DZANK1: variants seen among roughly 807,000 people sequenced by gnomAD.
DZANK1 encodes double zinc ribbon and ankyrin repeat domains 1.
DZANK1 carries 91 observed loss-of-function variants against 94.5 expected under a neutral mutation model. The ratio of observed to expected loss-of-function variants is 0.96; its 90% CI spans 0.81 to 1.15. DZANK1 has a LOEUF of 1.15. Among genes scored for constraint, DZANK1 ranks in the 50% most tolerant of loss-of-function variants. DZANK1 has a pLI of 0.00. For synonymous variants in DZANK1, 312 were observed against 325.3 expected (o/e 0.96, Z 0.44); for missense variants, 903 against 916.4 (o/e 0.99, Z 0.19).
intron 9 of DZANK1, among the ~76,000 whole-genome samples, chr20:18,430,218 A>G (rs189026388): frequency 2.0e-5 from 3 of 152,328 alleles, no homozygotes; most frequent in Admixed American, 6.5e-5. Context: ...TGACTAAGAT[A>G]AAGTTCTGCT....
At chr20:18,399,350 C>T (rs1466211746) in intron 13 of DZANK1, among the ~76,000 whole-genome samples, 2 of 152,016 alleles carry the variant, frequency 1.3e-5, no homozygotes, top group African/African-American at 4.8e-5. Flanking sequence ...CCACCTCAGC[C>T]ACCCACGTAG....
intron 7 of DZANK1, among the ~76,000 whole-genome samples, chr20:18,447,446 G>A (rs976986974): frequency 4.6e-5 from 7 of 152,016 alleles, no homozygotes; most frequent in African/African-American, 1.7e-4. Flanking sequence ...CTCAGCTGGA[G>A]ATCCCAAGTA....
chr20:18,419,587 T>A (rs1568940337), intron 10 of DZANK1, among the ~76,000 whole-genome samples: 1 of 152,162 alleles, frequency 6.6e-6, no homozygotes, highest in Non-Finnish European at 1.5e-5. Flanking sequence ...TGATTTACAT[T>A]TGACTTTTGA....
At chr20:18,436,958 G>A (rs2058547958) in intron 8 of DZANK1, among the ~76,000 whole-genome samples, 2 of 152,116 alleles carry the variant, frequency 1.3e-5, no homozygotes, top group Non-Finnish European at 2.9e-5. Context: ...AAAAATGAAG[G>A]CAAAATAAAC....
chr20:18,394,505 C>T, intron 15 of DZANK1, 155 bp from the exon 16 acceptor site: 1 of 755,020 alleles, frequency 1.3e-6, no homozygotes, highest in Non-Finnish European at 2.3e-6. Context: ...CCTGACTCCT[C>T]CTCACCTCCC....
At chr20:18,449,719 C>T (rs1330126732) in intron 6 of DZANK1, among the ~76,000 whole-genome samples, 74 of 143,180 alleles carry the variant, frequency 5.2e-4, no homozygotes, top group African/African-American at 1.8e-3. Flanking sequence ...GATTGCACCA[C>T]TGCACTCCAG....
chr20:18,462,147 A>T (rs551997718), intron 2 of DZANK1, among the ~76,000 whole-genome samples: 15 of 152,186 alleles, frequency 9.9e-5, no homozygotes, highest in African/African-American at 2.4e-4. Flanking sequence ...TTTGCTGAAT[A>T]CCTATTATGT....
chr20:18,397,002 G>A (rs2056380566), intron 14 of DZANK1, among the ~76,000 whole-genome samples: 1 of 152,088 alleles, frequency 6.6e-6, no homozygotes, highest in South Asian at 2.1e-4. Context: ...TTAAGCCAAG[G>A]GACAAGAAAT....
rs2057679707 is a variant in DZANK1 at position 18,419,672 on chromosome 20, T to C, written c.955-4223A>G. Reference sequence around the variant, plus strand: ...AAGAAAATAACTGTCAGCCCAGAATTACATATTCATCAAAAATACTCTTTG... The same window carrying C: ...AAGAAAATAACTGTCAGCCCAGAATCACATATTCATCAAAAATACTCTTTG... On this transcript the variant is annotated intron_variant, in intron 10 of 20. Coordinates refer to ENST00000262547, the Ensembl canonical transcript of DZANK1. Among the ~76,000 whole-genome samples the C allele has an allele frequency of 2.0e-5, 3 of 152,100 alleles. No individual in the cohort carries two copies. In the South Asian group the frequency reaches 6.2e-4, roughly 32 times the overall value.
chr20:18,425,045 G>T (rs2057976923), intron 10 of DZANK1, among the ~76,000 whole-genome samples: 1 of 152,142 alleles, frequency 6.6e-6, no homozygotes, highest in East Asian at 1.9e-4. Context: ...CTAGAAAGAA[G>T]AATGAGAAAA....
chr20:18,444,946 G>A (rs2424194), intron 7 of DZANK1, among the ~76,000 whole-genome samples: 25,909 of 151,636 alleles, frequency 0.17, 2,748 homozygotes, highest in African/African-American at 0.28. Flanking sequence ...GACTACAGGT[G>A]CCTGCCACCA....
intron 13 of DZANK1, among the ~76,000 whole-genome samples, chr20:18,412,318 A>C (rs1001935387): frequency 6.6e-6 from 1 of 152,198 alleles, no homozygotes; most frequent in Non-Finnish European, 1.5e-5. Context: ...TAAATTTTAC[A>C]ATTAAAAAAA....
chr20:18,458,295 G>C (rs2059356440), intron 3 of DZANK1, among the ~76,000 whole-genome samples: 1 of 151,966 alleles, frequency 6.6e-6, no homozygotes, highest in African/African-American at 2.4e-5. Context: ...CTTTAAATCT[G>C]GTTTTGTTGT....
chr20:18,399,125 C>CA (rs11387673), intron 13 of DZANK1, among the ~76,000 whole-genome samples: 59,625 of 127,270 alleles, frequency 0.47, 13,745 homozygotes, highest in East Asian at 0.68. Context: ...GACTACATCT[C>CA]AAAAAAAAAA....
chr20:18,455,212 T>G (rs759336135), intron 4 of DZANK1, 35 bp downstream of exon 4: 22 of 1,517,326 alleles, frequency 1.4e-5, no homozygotes, highest in Non-Finnish European at 2.0e-5. Flanking sequence ...CAAAATACAG[T>G]GACAATCTGA....
At chr20:18,385,160 T>G in intron 19 of DZANK1, 70 bp from the exon 20 acceptor site, 1 of 1,465,952 alleles carries the variant, frequency 6.8e-7, no homozygotes, top group Non-Finnish European at 9.3e-7. Context: ...AGGATGCATG[T>G]GACCCAAGGT....
chr20:18,417,066 C>T (rs1021875533), intron 10 of DZANK1, among the ~76,000 whole-genome samples: 1 of 149,780 alleles, frequency 6.7e-6, no homozygotes, highest in African/African-American at 2.4e-5. Flanking sequence ...GAAAAGTTAT[C>T]TTACCCCATC....
At chr20:18,440,557 C>T (rs185462024) in intron 8 of DZANK1, among the ~76,000 whole-genome samples, 71 of 152,266 alleles carry the variant, frequency 4.7e-4, no homozygotes, top group African/African-American at 1.6e-3. Flanking sequence ...TGCACCTGTC[C>T]TCCTGTAGCA....
chr20:18,412,727 G>A lies in DZANK1; in HGVS notation c.1351C>T (p.Gln451Ter). The A allele has an allele frequency of 1.9e-6, 3 of 1,613,736 alleles. No individual in the cohort carries two copies. Among genetic ancestry groups the A allele is most frequent in the Non-Finnish European group, 2.5e-6 (3 of 1,179,764 alleles). ...CTCTGCTTTTGAGAGGCTAGTTCCT[G>A]TTCCTTTTTTGCTAGCAGCTTGCCA... Residue 451 changes from glutamine to a stop codon, truncating the protein, a stop_gained, in exon 13 of 21, where the codon CAG (glutamine) becomes TAG (stop). Transcript: ENST00000262547. LOFTEE classifies it high-confidence loss of function.
Sources: gnomAD v4.1 joint callset for allele counts (sites outside exome capture counted in the v4.1 genomes callset) on GRCh38, gnomAD v4.1.1 for gene constraint, MANE v1.5 for transcripts, NCBI Gene and HGNC (gene_info 2026-07-23, HGNC 2026-07-21) for gene names.